PDE1C: variants seen among roughly 807,000 people sequenced by gnomAD.
PDE1C encodes the protein phosphodiesterase 1C.
In PDE1C, 62 loss-of-function variants were observed where a neutral mutation model predicts 93.1. The observed-to-expected ratio is 0.67, with a 90% CI of 0.54 to 0.82. The LOEUF (loss-of-function observed/expected upper bound fraction) is 0.82, where lower values mean the gene tolerates loss of function less well. Ranked by LOEUF, PDE1C falls within the 40% of genes least tolerant of loss-of-function variation. The pLI is 0.00. For synonymous variants in PDE1C, 325 were observed against 310.1 expected (o/e 1.05, Z -0.50); for missense variants, 742 against 884.6 (o/e 0.84, Z 2.04).
chr7:31,970,478 CA>C (rs1489109575), intron 2 of PDE1C, among the ~76,000 whole-genome samples: 1 of 152,040 alleles, frequency 6.6e-6, no homozygotes, highest in Non-Finnish European at 1.5e-5. Context: ...ATGGGAAAGC[CA>C]AAAAACGCAT....
intron 2 of PDE1C, among the ~76,000 whole-genome samples, chr7:31,939,842 T>C (rs534761477): frequency 6.6e-6 from 1 of 152,262 alleles, no homozygotes; most frequent in East Asian, 1.9e-4. Context: ...ATAAAGAATA[T>C]TGGCAACTCC....
At chr7:32,011,245 T>G (rs933980142) in intron 2 of PDE1C, among the ~76,000 whole-genome samples, 6 of 151,768 alleles carry the variant, frequency 4.0e-5, no homozygotes, top group African/African-American at 1.5e-4. Context: ...CAGGCTGGAG[T>G]GCAGTGGTGC....
intron 2 of PDE1C, among the ~76,000 whole-genome samples, chr7:31,921,942 T>TA (rs1361353904): frequency 6.6e-6 from 1 of 152,194 alleles, no homozygotes; most frequent in East Asian, 1.9e-4. Context: ...GTCTATGAGA[T>TA]ACGTATTTGT....
chr7:31,905,784 C>T (rs1800516754), intron 2 of PDE1C, among the ~76,000 whole-genome samples: 1 of 152,054 alleles, frequency 6.6e-6, no homozygotes, highest in Non-Finnish European at 1.5e-5. Flanking sequence ...TCCCATAATC[C>T]CCATGTGTTA....
chr7:32,298,465 G>A (rs983271470), intron 1 of PDE1C, among the ~76,000 whole-genome samples: 2 of 152,088 alleles, frequency 1.3e-5, no homozygotes, highest in African/African-American at 2.4e-5. Context: ...GTGCCGGGGG[G>A]GACAGCCCAG....
At chr7:32,230,573 GC>G (rs998054484) in intron 1 of PDE1C, among the ~76,000 whole-genome samples, 66 of 152,254 alleles carry the variant, frequency 4.3e-4, no homozygotes, top group African/African-American at 1.6e-3. Context: ...AGACCTACCT[GC>G]CTGAAATCAC....
chr7:32,104,156 T>A (rs55790842), intron 3 of PDE1C, among the ~76,000 whole-genome samples: 1 of 151,954 alleles, frequency 6.6e-6, no homozygotes, highest in Middle Eastern at 3.2e-3. Flanking sequence ...GAATAAGACA[T>A]AAATTCCCAT....
chr7:31,952,125 G>C (rs1352183733), intron 2 of PDE1C, among the ~76,000 whole-genome samples: 2 of 152,132 alleles, frequency 1.3e-5, no homozygotes, highest in African/African-American at 4.8e-5. Flanking sequence ...CATACATGTA[G>C]TAAGTGGCAG....
At chr7:32,101,322 GT>G (rs1213581785) in intron 3 of PDE1C, among the ~76,000 whole-genome samples, 1 of 152,144 alleles carries the variant, frequency 6.6e-6, no homozygotes, top group Non-Finnish European at 1.5e-5. Context: ...TTGGTTGTGT[GT>G]TTGGATTTCT....
chr7:32,051,435 A>T lies in PDE1C; in HGVS notation c.128+119T>A, dbSNP rs916612616. 3 of 946,160 alleles carry T rather than the reference A, an allele frequency of 3.2e-6. No homozygotes were observed. The Admixed American group carries it at 5.5e-5, about 17-fold the overall frequency. The allele number at this position is 946,160 out of a possible 1,614,324, so 58.6% of individuals were successfully genotyped here. A position where few individuals can be genotyped will look rare whatever the true frequency, so the allele number is the denominator to read the frequency against. On this transcript the variant is annotated intron_variant, in intron 2 of 17. Coordinates refer to ENST00000396191, the MANE Select transcript of PDE1C (RefSeq NM_001191057.4). ...GTCACGATCGGAGATAAAGCACGCA[A>T]CATGCTGAGAAAGAACCAAAAGCCT...
chr7:31,668,215 C>T, the PDE1C span, among the ~76,000 whole-genome samples: 1 of 152,114 alleles, frequency 6.6e-6, no homozygotes, highest in Admixed American at 6.5e-5. Context: ...AACCCTCTTA[C>T]ATTGCTATTG....
intron 2 of PDE1C, among the ~76,000 whole-genome samples, 197 bp downstream of exon 2, chr7:32,051,357 C>A (rs1342716340): frequency 1.3e-5 from 2 of 152,268 alleles, no homozygotes; most frequent in East Asian, 3.9e-4. Context: ...GTGAAGGCAT[C>A]CACCTACTGT....
intron 1 of PDE1C, among the ~76,000 whole-genome samples, chr7:32,383,480 C>A (rs1189479585): frequency 6.6e-6 from 1 of 152,188 alleles, no homozygotes; most frequent in Non-Finnish European, 1.5e-5. Context: ...ATCTGGCATT[C>A]TGTAGAGAAG....
the PDE1C span, among the ~76,000 whole-genome samples, chr7:31,626,994 T>C: frequency 6.6e-6 from 1 of 152,276 alleles, no homozygotes; most frequent in African/African-American, 2.4e-5. Flanking sequence ...GCAGTATGCC[T>C]TATGAATTAT....
chr7:32,274,381 T>C (rs1281400699), intron 1 of PDE1C, among the ~76,000 whole-genome samples: 4 of 150,474 alleles, frequency 2.7e-5, no homozygotes, highest in South Asian at 2.1e-4. Context: ...CCTTTTTTTT[T>C]TTTTTTCTTA....
At chr7:31,839,074 C>T (rs911829008) in intron 9 of PDE1C, among the ~76,000 whole-genome samples, 3 of 147,108 alleles carry the variant, frequency 2.0e-5, no homozygotes, top group Admixed American at 6.8e-5. Flanking sequence ...TTATTATATA[C>T]ATACATGTAG....
intron 1 of PDE1C, among the ~76,000 whole-genome samples, chr7:32,277,891 G>A (rs1322465253): frequency 6.6e-6 from 1 of 152,218 alleles, no homozygotes; most frequent in Non-Finnish European, 1.5e-5. Context: ...ATAACAACAC[G>A]TACTGGAAAT....
intron 3 of PDE1C, among the ~76,000 whole-genome samples, chr7:32,167,820 G>A (rs1416548121): frequency 6.6e-6 from 1 of 152,068 alleles, no homozygotes; most frequent in East Asian, 1.9e-4. Context: ...CCCTTATTGT[G>A]GTACCACTCA....
intron 11 of PDE1C, among the ~76,000 whole-genome samples, chr7:31,833,740 G>A (rs531639123): frequency 6.6e-6 from 1 of 152,184 alleles, no homozygotes; most frequent in Non-Finnish European, 1.5e-5. Context: ...GAGGTAACTT[G>A]GGTGCTGTTA....
Sources: allele counts gnomAD v4.1 joint callset (sites outside exome capture counted in the v4.1 genomes callset), GRCh38; gene constraint gnomAD v4.1.1; transcripts MANE v1.5; gene names NCBI Gene and HGNC (gene_info 2026-07-23, HGNC 2026-07-21).